Variants in LCMT1 observed in about 807,000 individuals in gnomAD.
LCMT1 encodes the protein leucine carboxyl methyltransferase 1, also known as [Phosphatase 2A protein]-leucine-carboxy methyltransferase 1.
Under a neutral mutation model 47.7 loss-of-function variants are expected in LCMT1, and 32 were observed. That is an observed-to-expected ratio of 0.67 (90% CI 0.51 to 0.90). The LOEUF is 0.90. Ranked by LOEUF, LCMT1 falls within the 40% of genes least tolerant of loss-of-function variation. LCMT1 has a pLI of 0.00. For synonymous variants in LCMT1, 152 were observed against 149.7 expected (o/e 1.02, Z -0.11); for missense variants, 375 against 415.2 (o/e 0.90, Z 0.84).
At chr16:25,137,479 C>T (rs1267013247) in intron 3 of LCMT1, among the ~76,000 whole-genome samples, 1 of 152,052 alleles carries the variant, frequency 6.6e-6, no homozygotes, top group Non-Finnish European at 1.5e-5. Flanking sequence ...GGATCTGGCT[C>T]GGTCTCCCAG....
intron 4 of LCMT1, chr16:25,141,726 T>G (rs1039407353): frequency 6.6e-6 from 1 of 152,190 alleles, no homozygotes; most frequent in Non-Finnish European, 1.5e-5. Context: ...AGATGTGGTT[T>G]ATTACTGTGC....
chr16:25,176,540 T>G (rs1193514326), intron 10 of LCMT1, among the ~76,000 whole-genome samples: 2 of 146,832 alleles, frequency 1.4e-5, no homozygotes, highest in Non-Finnish European at 3.0e-5. Context: ...TGGTTTTTGT[T>G]TTTTTTTGGC....
At chr16:25,154,326 A>T (rs1028098990) in intron 5 of LCMT1, among the ~76,000 whole-genome samples, 1 of 151,370 alleles carries the variant, frequency 6.6e-6, no homozygotes, top group South Asian at 2.1e-4. Context: ...CCTATTATTT[A>T]AAAAAAATTA....
intron 1 of LCMT1, among the ~76,000 whole-genome samples, chr16:25,122,202 G>A (rs1291888339): frequency 2.0e-5 from 3 of 152,174 alleles, no homozygotes; most frequent in African/African-American, 7.2e-5. Flanking sequence ...GTAGAAAATA[G>A]GCTGTCTCTT....
intron 7 of LCMT1, among the ~76,000 whole-genome samples, chr16:25,164,989 C>T (rs1961543888): frequency 1.3e-5 from 2 of 152,158 alleles, no homozygotes; most frequent in Admixed American, 1.3e-4. Context: ...AGTCATAGAA[C>T]ATGAGGAAGA....
At position 25,127,424 on chromosome 16, in the gene LCMT1, A is replaced by G. The variant is rs142631481; in HGVS notation, c.114-1051A>G. On this transcript the variant is annotated intron_variant, in intron 1 of 10. Transcript: ENST00000399069. ...CCATGTTTCTGTGGTGAGTTGCTGC[A>G]TGGAGCAGCTGAACATGTGCTTCCT... Among the ~76,000 whole-genome samples, 636 of 152,314 alleles carry G rather than the reference A, an allele frequency of 4.2e-3. 5 individuals are homozygous for G. Among genetic ancestry groups the G allele is most frequent in the African/African-American group, 0.014 (565 of 41,568 alleles).
intron 5 of LCMT1, 85 bp from the exon 6 acceptor site, chr16:25,161,017 T>C: frequency 2.4e-6 from 2 of 828,286 alleles, no homozygotes; most frequent in Non-Finnish European, 3.8e-6. Context: ...TGCATGTATT[T>C]TTATAGTAAG....
In LCMT1 at chr16:25,123,769, G is replaced by A. The variant is rs564824195; in HGVS notation, c.114-4706G>A. On this transcript the variant is annotated intron_variant, in intron 1 of 10. Coordinates refer to ENST00000399069, the MANE Select transcript of LCMT1 (RefSeq NM_016309.3). The stretch of plus-strand genomic sequence containing the variant: ...ATTACAGGCATGAGCCACCATATGC[G>A]GCTAATTTTTTGTATTTTTAGTAGA... 4.9e-3 allele frequency among the ~76,000 whole-genome samples: 735 copies of A among 150,524 alleles called. 9 individuals are homozygous for A. Among genetic ancestry groups the A allele is most frequent in the African/African-American group, 0.017 (696 of 40,948 alleles).
chr16:25,120,844 G>T (rs1461147631), intron 1 of LCMT1, among the ~76,000 whole-genome samples: 2 of 150,462 alleles, frequency 1.3e-5, no homozygotes, highest in Non-Finnish European at 3.0e-5. Flanking sequence ...ACCTCCCCGG[G>T]CTCAGGTGAT....
chr16:25,138,513 G>T (rs1028848785), intron 3 of LCMT1, among the ~76,000 whole-genome samples: 6 of 152,048 alleles, frequency 3.9e-5, no homozygotes, highest in Admixed American at 3.9e-4. Context: ...CTGTGTGTGC[G>T]CATGTGCGTG....
rs149881895 is a variant in LCMT1, at chr16:25,162,183, G to A, written c.569+979G>A. On this transcript the variant is annotated intron_variant, in intron 6 of 10. Coordinates refer to ENST00000399069, the MANE Select transcript of LCMT1 (RefSeq NM_016309.3). ...GGAGGATGTTCATTGTAGTTCATGA[G>A]TCTGGGAACCGAGTCCAGCTGCACA... Among the ~76,000 whole-genome samples the A allele has an allele frequency of 2.6e-5, 4 of 152,288 alleles. No homozygotes were observed. The East Asian group carries it at 7.7e-4, about 29-fold the overall frequency.
chr16:25,171,706 T>C (rs1961779129), intron 9 of LCMT1, among the ~76,000 whole-genome samples: 2 of 152,140 alleles, frequency 1.3e-5, no homozygotes. Context: ...AATGGACTTT[T>C]CTCCCCATTA....
intron 3 of LCMT1, among the ~76,000 whole-genome samples, chr16:25,133,169 T>C (rs568125127): frequency 1.3e-5 from 2 of 152,232 alleles, no homozygotes; most frequent in East Asian, 3.9e-4. Context: ...CCTATATTTG[T>C]AATTTTGACA....
chr16:25,116,230 GA>G (rs1959779257), intron 1 of LCMT1, among the ~76,000 whole-genome samples: 1 of 152,182 alleles, frequency 6.6e-6, no homozygotes, highest in African/African-American at 2.4e-5. Flanking sequence ...AAGCAGGTGG[GA>G]AAATTCTATC....
chr16:25,148,612 GA>G, intron 4 of LCMT1: 1 of 152,596 alleles, frequency 6.6e-6, no homozygotes. Context: ...AAGGAAGAAG[GA>G]AAAAGACAAC....
chr16:25,130,981 G>T (rs1960335333), intron 2 of LCMT1, among the ~76,000 whole-genome samples: 1 of 152,366 alleles, frequency 6.6e-6, no homozygotes, highest in South Asian at 2.1e-4. Flanking sequence ...AGAGGGAAGA[G>T]ATGGAGAATT....
chr16:25,166,269 CAAAA>C (rs371727353), intron 7 of LCMT1, among the ~76,000 whole-genome samples: 27 of 96,334 alleles, frequency 2.8e-4, no homozygotes, highest in African/African-American at 7.5e-4. Flanking sequence ...GACGCCATCT[CAAAA>C]AAAAAAAAAA....
intron 1 of LCMT1, among the ~76,000 whole-genome samples, chr16:25,118,571 G>A (rs1165847818): frequency 6.6e-6 from 1 of 152,110 alleles, no homozygotes; most frequent in African/African-American, 2.4e-5. Flanking sequence ...AGCACAATAT[G>A]TGTCGTGTGA....
At chr16:25,167,109 T>C (rs1336617625) in intron 7 of LCMT1, among the ~76,000 whole-genome samples, 2 of 152,192 alleles carry the variant, frequency 1.3e-5, no homozygotes, top group African/African-American at 4.8e-5. Flanking sequence ...CTTGTCACTT[T>C]GGAGCAAGCC....
Sources: gnomAD v4.1 joint callset for allele counts (sites outside exome capture counted in the v4.1 genomes callset) on GRCh38, gnomAD v4.1.1 for gene constraint, MANE v1.5 for transcripts, NCBI Gene and HGNC (gene_info 2026-07-23, HGNC 2026-07-21) for gene names.